Variants in CYFIP2 observed in about 807,000 individuals in gnomAD.
CYFIP2 encodes the protein cytoplasmic FMR1-interacting protein 2.
A neutral mutation model predicts 158.7 loss-of-function variants in CYFIP2; 29 were observed. That is an observed-to-expected ratio of 0.18 (90% CI 0.14 to 0.25). CYFIP2 has a LOEUF of 0.25. CYFIP2 is among the 10% of genes least tolerant of loss of function. The pLI is 1.00. For missense variants in CYFIP2, 852 were observed against 1,639.5 expected, an observed-to-expected ratio of 0.52 and a Z score of 8.29; for synonymous variants, 585 against 617.6, an observed-to-expected ratio of 0.95 and a Z score of 0.78.
intron 3 of CYFIP2, among the ~76,000 whole-genome samples, chr5:157,293,653 AT>A (rs1758015790): frequency 6.6e-6 from 1 of 151,848 alleles, no homozygotes; most frequent in East Asian, 1.9e-4. Context: ...TTGCACTGAA[AT>A]TTTTTTTTCA....
intron 20 of CYFIP2, among the ~76,000 whole-genome samples, chr5:157,331,889 C>G (rs995995339): frequency 1.3e-5 from 2 of 152,212 alleles, no homozygotes; most frequent in Non-Finnish European, 2.9e-5. Context: ...GTGGACACAG[C>G]AGGTACTCAA....
At chr5:157,369,216 T>C (rs964450208) in intron 26 of CYFIP2, among the ~76,000 whole-genome samples, 1 of 152,154 alleles carries the variant, frequency 6.6e-6, no homozygotes, top group Non-Finnish European at 1.5e-5. Flanking sequence ...AGCTTTTAAC[T>C]ATTAACACAC....
chr5:157,315,711 A>G (rs1760087216), intron 13 of CYFIP2, among the ~76,000 whole-genome samples: 1 of 152,258 alleles, frequency 6.6e-6, no homozygotes, highest in Admixed American at 6.5e-5. Flanking sequence ...TATAATACCA[A>G]AATATATGAA....
chr5:157,286,676 A>G (rs1372836378), intron 2 of CYFIP2, among the ~76,000 whole-genome samples: 1 of 152,046 alleles, frequency 6.6e-6, no homozygotes, highest in Non-Finnish European at 1.5e-5. Context: ...ATATATCCAC[A>G]CCCTTGGGTG....
chr5:157,341,414 T>A (rs1337706900), intron 23 of CYFIP2, among the ~76,000 whole-genome samples: 3 of 152,008 alleles, frequency 2.0e-5, no homozygotes, highest in Non-Finnish European at 4.4e-5. Flanking sequence ...AAAAATTAGC[T>A]AGACATGGCG....
chr5:157,374,363 T>C (rs764758056), intron 26 of CYFIP2, among the ~76,000 whole-genome samples: 1 of 152,200 alleles, frequency 6.6e-6, no homozygotes, highest in African/African-American at 2.4e-5. Context: ...AAAGTGATTA[T>C]AAACAATCTC....
chr5:157,375,906 AGCAAAGAGAC>A (rs1765428168), intron 26 of CYFIP2: 1 of 152,228 alleles, frequency 6.6e-6, no homozygotes, highest in Admixed American at 6.5e-5. Flanking sequence ...TCTTGCCATC[AGCAAAGAGAC>A]TTGAATCGGC....
chr5:157,340,402 C>T (rs1425714313), intron 22 of CYFIP2, among the ~76,000 whole-genome samples: 2 of 152,192 alleles, frequency 1.3e-5, no homozygotes, highest in African/African-American at 4.8e-5. Flanking sequence ...GATTTAGGAG[C>T]TTTAACACTC....
At chr5:157,342,214 G>T (rs1418703773) in intron 23 of CYFIP2, 2 of 152,540 alleles carry the variant, frequency 1.3e-5, no homozygotes, top group Non-Finnish European at 2.9e-5. Context: ...CAGCAGGAGG[G>T]TGCTGGTTTT....
chr5:157,300,057 G>A (rs1350650638), intron 5 of CYFIP2, among the ~76,000 whole-genome samples: 1 of 152,174 alleles, frequency 6.6e-6, no homozygotes, highest in African/African-American at 2.4e-5. Flanking sequence ...CTGGATGAAT[G>A]AGCCTCTTTT....
Position 157,306,675 on chromosome 5 carries a change from G to A in CYFIP2, c.796-1086G>A, listed in dbSNP as rs186592798. On this transcript the variant is annotated intron_variant, in intron 8 of 30. Transcript: ENST00000620254. ...GCAGGGGGATCACTTGAGCCCAAGA[G>A]TTTGAGACCAGCCTGGGCAACACAG... Among the ~76,000 whole-genome samples, 318 of 152,276 alleles carry A rather than the reference G, an allele frequency of 2.1e-3. 2 individuals carry two copies. The highest frequency in any genetic ancestry group is 0.014 in the Middle Eastern group (4 of 294).
chr5:157,343,304 C>A, intron 23 of CYFIP2: 1 of 1,614,194 alleles, frequency 6.2e-7, no homozygotes. Context: ...AGCCTTCTTA[C>A]AGCTGATGCA....
At position 157,342,912 on chromosome 5, in the gene CYFIP2, G is replaced by A. The variant is rs576494565; in HGVS notation, c.2673+1755G>A. On this transcript the variant is annotated intron_variant, in intron 23 of 30. Transcript: ENST00000620254. The stretch of plus-strand genomic sequence containing the variant: ...GCGGGTGGGTCACCACCCCCCCTCT[G>A]TAAGGCACCCGCATCAGGGGCATCC... 33 of 1,614,146 alleles carry A rather than the reference G, an allele frequency of 2.0e-5. No homozygotes were observed. The South Asian group carries it at 3.1e-4, about 15-fold the overall frequency.
intron 2 of CYFIP2, among the ~76,000 whole-genome samples, chr5:157,285,867 T>TAGC (rs1158504868): frequency 1.3e-5 from 2 of 152,196 alleles, no homozygotes; most frequent in African/African-American, 4.8e-5. Context: ...CAACACCTCA[T>TAGC]AGCAGCTCAT....
chr5:157,319,657 C>A, intron 13 of CYFIP2, 105 bp from the exon 14 acceptor site: 1 of 1,421,034 alleles, frequency 7.0e-7, no homozygotes, highest in Non-Finnish European at 9.6e-7. Context: ...GGCCTCATGC[C>A]TCTGGACATC....
chr5:157,311,111 GT>G lies in CYFIP2; in HGVS notation c.993-552del. ...AGGGGGCGAGAGGTAGAGGGGGTGG[GT>G]GGAGGGAGGGGCCACCCCCACGTCT... is the stretch of plus-strand genomic sequence containing the variant. On this transcript the variant is annotated intron_variant, in intron 10 of 30. Coordinates refer to ENST00000620254, the MANE Select transcript of CYFIP2 (RefSeq NM_001037333.3). The surrounding 1 kb of genome is among the most constrained non-coding windows in gnomAD (Gnocchi z 4.7). The G allele has an allele frequency of 2.3e-6, 1 of 437,866 alleles. No homozygotes were observed. Among genetic ancestry groups the G allele is most frequent in the East Asian group, 7.1e-5 (1 of 13,990 alleles). The allele number at this position is 437,866 out of a possible 1,614,324, so 27.1% of individuals were successfully genotyped here.
intron 3 of CYFIP2, among the ~76,000 whole-genome samples, chr5:157,294,328 G>A (rs1432679732): frequency 6.6e-6 from 1 of 152,222 alleles, no homozygotes; most frequent in African/African-American, 2.4e-5. Flanking sequence ...GCAAGATGGA[G>A]TCAACTATGT....
chr5:157,304,178 G>GT, intron 7 of CYFIP2, 60 bp from the exon 8 acceptor site: 1 of 1,560,838 alleles, frequency 6.4e-7, no homozygotes, highest in Non-Finnish European at 8.7e-7. Flanking sequence ...TTCTGCAGGG[G>GT]TGCAGGTGAG....
Position 157,287,036 on chromosome 5 carries a change from C to T in CYFIP2, c.135C>T (p.Asn45=). ...TTCCACAGGCTAACTTTGACACAAA[C>T]TTTGAGGACAGGAATGCATTTGTCA... The part of the protein sequence containing the change: ...SIMYQANFDT[N]FEDRNAFVTG... The change falls in exon 3 of 31, where the codon AAC becomes AAT. Residue 45 remains asparagine, a synonymous_variant. Coordinates refer to ENST00000620254, the MANE Select transcript of CYFIP2 (RefSeq NM_001037333.3). 1 of 1,613,370 alleles carries T rather than the reference C, an allele frequency of 6.2e-7. No homozygotes were observed. The highest frequency in any genetic ancestry group is 8.5e-7 in the Non-Finnish European group (1 of 1,179,466).
Sources: gnomAD v4.1 joint callset for allele counts (sites outside exome capture counted in the v4.1 genomes callset) on GRCh38, gnomAD v4.1.1 for gene constraint, Gnocchi (gnomAD v3.1) non-coding constraint, MANE v1.5 for transcripts, NCBI Gene and HGNC (gene_info 2026-07-23, HGNC 2026-07-21) for gene names.